The following RMST variants were observed in gnomAD, a reference collection of about 807,000 sequenced individuals.
RMST encodes the protein long intergenic non-protein coding RNA 54.
At chr12:97,559,132 G>C (rs781278321) in intron 11 of RMST, among the ~76,000 whole-genome samples, 2 of 151,004 alleles carry the variant, frequency 1.3e-5, no homozygotes, top group Non-Finnish European at 2.9e-5. Flanking sequence ...TATACATTGG[G>C]TCTGGGGTCT....
At position 97,545,630 on chromosome 12, in the gene RMST, C is replaced by G. The variant is rs147552877; in HGVS notation, n.1545+14771C>G. 7.4e-3 allele frequency among the ~76,000 whole-genome samples: 1,126 copies of G among 152,116 alleles called. 14 individuals are homozygous for G. Among genetic ancestry groups the G allele is most frequent in the African/African-American group, 0.026 (1,060 of 41,504 alleles). On this transcript the variant is annotated intron_variant and non_coding_transcript_variant, in intron 11 of 13. Coordinates refer to ENST00000640149, the Ensembl canonical transcript of RMST. The stretch of plus-strand genomic sequence containing the variant: ...TCAGTTTTTGGCTTCCAGTTACTCC[C>G]AAGCTTTTCTAGCAAGTAGAAATGC...
chr12:97,510,319 G>A lies in RMST; in HGVS notation n.1340+14263G>A, dbSNP rs78827641. On this transcript the variant is annotated intron_variant and non_coding_transcript_variant, in intron 10 of 13. Coordinates refer to ENST00000640149, the Ensembl canonical transcript of RMST. Reference sequence around the variant, plus strand: ...AATCCTATTCATAAAAACCAGAGGGGCAGATTAAGCCCACAGAGAAAATAA... The same window carrying A: ...AATCCTATTCATAAAAACCAGAGGGACAGATTAAGCCCACAGAGAAAATAA... Among the ~76,000 whole-genome samples, 1,400 of 152,192 alleles carry A rather than the reference G, an allele frequency of 9.2e-3. 25 individuals are homozygous for A. The highest frequency in any genetic ancestry group is 0.032 in the African/African-American group (1,342 of 41,508).
intron 10 of RMST, among the ~76,000 whole-genome samples, chr12:97,501,080 C>T (rs540562553): frequency 3.9e-5 from 6 of 152,288 alleles, no homozygotes; most frequent in African/African-American, 1.4e-4. Flanking sequence ...ACTCAACAGC[C>T]AGCCACAGAC....
At chr12:97,524,052 G>T (rs1880805514) in intron 10 of RMST, among the ~76,000 whole-genome samples, 1 of 93,304 alleles carries the variant, frequency 1.1e-5, no homozygotes, top group African/African-American at 3.7e-5. Context: ...GTCCAGCCTG[G>T]GCAACAGAGT....
At chr12:97,519,973 CGAG>C (rs1334341704) in intron 10 of RMST, among the ~76,000 whole-genome samples, 12 of 152,108 alleles carry the variant, frequency 7.9e-5, no homozygotes, top group South Asian at 2.1e-4. Context: ...TAATTGATCA[CGAG>C]GTAGGCACAC....
rs370184940 is a variant in RMST at position 97,471,768 on chromosome 12, A to G, written n.644+6041A>G. 1.1e-4 allele frequency among the ~76,000 whole-genome samples: 16 copies of G among 152,286 alleles called. 1 individual carries two copies. The highest frequency in any genetic ancestry group is 3.1e-4 in the African/African-American group (13 of 41,580). ...ATATTTAGCCTCTGTGATTTGCCAT[A>G]AGAACGCACAACATGCAGTTGGAAA... On this transcript the variant is annotated intron_variant and non_coding_transcript_variant, in intron 5 of 13. Coordinates refer to ENST00000640149, the Ensembl canonical transcript of RMST.
At chr12:97,512,372 C>G (rs180951120) in intron 10 of RMST, among the ~76,000 whole-genome samples, 86 of 152,258 alleles carry the variant, frequency 5.6e-4, no homozygotes, top group African/African-American at 1.8e-3. Flanking sequence ...TGTAAGGGGA[C>G]CCGAGCCGGT....
chr12:97,521,817 G>A (rs1880544276), intron 10 of RMST, among the ~76,000 whole-genome samples: 1 of 152,108 alleles, frequency 6.6e-6, no homozygotes, highest in Non-Finnish European at 1.5e-5. Context: ...CACAAACTGA[G>A]ATGTGACTTT....
chr12:97,475,068 C>T (rs373086354), intron 5 of RMST, among the ~76,000 whole-genome samples: 8 of 152,260 alleles, frequency 5.3e-5, no homozygotes, highest in East Asian at 1.9e-4. Flanking sequence ...AATATTTAAA[C>T]GTGAAATCTA....
intron 11 of RMST, among the ~76,000 whole-genome samples, chr12:97,546,704 A>G (rs561119440): frequency 6.6e-6 from 1 of 152,108 alleles, no homozygotes; most frequent in South Asian, 2.1e-4. Flanking sequence ...GTATATATTT[A>G]TCATGTACAA....
intron 10 of RMST, among the ~76,000 whole-genome samples, chr12:97,522,899 G>A (rs1880664472): frequency 6.6e-6 from 1 of 152,028 alleles, no homozygotes; most frequent in Admixed American, 6.6e-5. Flanking sequence ...GGATTTTGAG[G>A]ATTATTTTAC....
At position 97,555,209 on chromosome 12, in the gene RMST, A is replaced by AT. The variant is rs568366311; in HGVS notation, n.1546-5322dup. Among the ~76,000 whole-genome samples the AT allele has an allele frequency of 2.6e-5, 4 of 152,114 alleles. No homozygotes were observed. The South Asian group carries it at 8.3e-4, about 32-fold the overall frequency. On this transcript the variant is annotated intron_variant and non_coding_transcript_variant, in intron 11 of 13. Transcript: ENST00000640149. ...ACTCCTTTCAAGTAAAAAGAAAAAT[A>AT]TTTTTTCTTTGTATTTGGAAGAGCT... is the stretch of plus-strand genomic sequence containing the variant.
At chr12:97,472,807 A>G (rs1234464478) in intron 5 of RMST, among the ~76,000 whole-genome samples, 1 of 152,116 alleles carries the variant, frequency 6.6e-6, no homozygotes, top group African/African-American at 2.4e-5. Flanking sequence ...TTAGACTAAA[A>G]TGGTTTTGCT....
intron 10 of RMST, among the ~76,000 whole-genome samples, chr12:97,529,141 G>A (rs796527377): frequency 6.6e-6 from 1 of 151,896 alleles, no homozygotes; most frequent in African/African-American, 2.4e-5. Context: ...GCCAGTTCTG[G>A]TGGGACTTTA....
At chr12:97,513,090 G>T (rs993592590) in intron 10 of RMST, among the ~76,000 whole-genome samples, 1 of 152,188 alleles carries the variant, frequency 6.6e-6, no homozygotes, top group African/African-American at 2.4e-5. Context: ...CAAGCACCGC[G>T]CGCAGCCCGG....
chr12:97,515,142 G>A (rs553054384), intron 10 of RMST, among the ~76,000 whole-genome samples: 100 of 152,098 alleles, frequency 6.6e-4, no homozygotes, highest in African/African-American at 2.1e-3. Context: ...GAAGCCTATG[G>A]GGAGCAGTTT....
At chr12:97,467,598 TTAC>T (rs576977533) in intron 5 of RMST, among the ~76,000 whole-genome samples, 104 of 152,138 alleles carry the variant, frequency 6.8e-4, no homozygotes, top group Middle Eastern at 6.8e-3. Context: ...CCTGATATGT[TTAC>T]TACATTTCTC....
exon 14 of RMST, chr12:97,564,444 A>T (rs1437242346): frequency 6.5e-6 from 1 of 152,930 alleles, no homozygotes; most frequent in South Asian, 2.1e-4. Flanking sequence ...GGAAAGCAGG[A>T]GGACTTTAGA....
intron 11 of RMST, among the ~76,000 whole-genome samples, chr12:97,542,555 T>C (rs1210724213): frequency 1.3e-5 from 2 of 151,848 alleles, no homozygotes; most frequent in Middle Eastern, 3.2e-3. Flanking sequence ...ACCTCCACTG[T>C]TAATTTAGAA....
Sources: allele counts gnomAD v4.1 joint callset (sites outside exome capture counted in the v4.1 genomes callset), GRCh38; gene constraint gnomAD v4.1.1; transcripts MANE v1.5; gene names NCBI Gene and HGNC (gene_info 2026-07-23, HGNC 2026-07-21).